The following ASB14 variants were observed in gnomAD, a reference collection of about 807,000 sequenced individuals.
ASB14 encodes the protein ankyrin repeat and SOCS box containing 14.
A neutral mutation model predicts 55.6 loss-of-function variants in ASB14; 63 were observed. The observed-to-expected ratio is 1.13, with a 90% confidence interval of 0.92 to 1.40. ASB14 has a LOEUF of 1.40. Ranked by LOEUF, ASB14 falls within the 40% of genes most tolerant of loss-of-function variation. The probability of loss-of-function intolerance (pLI) is 0.00; values close to 1 mark genes in which losing one functional copy is unlikely to be tolerated. For missense variants in ASB14, 724 were observed against 710.4 expected (o/e 1.02, Z -0.22); for synonymous variants, 256 against 259.9 (o/e 0.98, Z 0.15).
intron 8 of ASB14, 105 bp from the exon 9 acceptor site, chr3:57,278,025 GA>G: frequency 9.5e-7 from 1 of 1,051,886 alleles, no homozygotes; most frequent in Non-Finnish European, 1.4e-6. Flanking sequence ...AGCCAAGAGA[GA>G]AAAATGTCTC....
chr3:57,277,280 A>T (rs968820728), intron 9 of ASB14, among the ~76,000 whole-genome samples: 24 of 148,210 alleles, frequency 1.6e-4, no homozygotes, highest in Non-Finnish European at 3.3e-4. Context: ...AAAAAAAAAA[A>T]TCTGTGTGTT....
intron 6 of ASB14, among the ~76,000 whole-genome samples, chr3:57,281,623 G>A (rs2061041353): frequency 6.6e-6 from 1 of 152,224 alleles, no homozygotes; most frequent in East Asian, 1.9e-4. Flanking sequence ...TGCCCACTAT[G>A]TGCTGGTTCC....
intron 2 of ASB14, among the ~76,000 whole-genome samples, chr3:57,291,269 C>A (rs1377824735): frequency 1.3e-5 from 2 of 152,150 alleles, no homozygotes; most frequent in African/African-American, 4.8e-5. Flanking sequence ...TAGAGATTAC[C>A]ATCCCAAGTA....
intron 10 of ASB14, among the ~76,000 whole-genome samples, chr3:57,274,006 A>G (rs1158210880): frequency 6.6e-6 from 1 of 152,148 alleles, no homozygotes; most frequent in Non-Finnish European, 1.5e-5. Flanking sequence ...ATATTTCTAT[A>G]TTGAAAGATA....
intron 2 of ASB14, among the ~76,000 whole-genome samples, chr3:57,291,177 G>A (rs1033137650): frequency 6.6e-6 from 1 of 152,192 alleles, no homozygotes; most frequent in African/African-American, 2.4e-5. Context: ...ATATAGGTTT[G>A]ATGTACTTCA....
Position 57,277,843 on chromosome 3 carries a change from A to T in ASB14, c.1509T>A (p.Asp503Glu). ...TCAACTTTGAACAGATCCGAACTTG[A>T]TCAACATAATCAAGCATCACTCGAA... is the stretch of plus-strand genomic sequence containing the variant. ...KVVRVMLDYV[D>E]QVRICSKLKA... The change falls in exon 9 of 11, where the codon GAT (aspartate) becomes GAA (glutamate). Residue 503 changes from aspartate to glutamate, a missense_variant. Physicochemically the swap from Asp to Glu is conservative, Grantham distance 45. Coordinates refer to ENST00000487349, the MANE Select transcript of ASB14 (RefSeq NM_001142733.3). 6.2e-7 allele frequency: 1 copy of T among 1,613,966 alleles called. No homozygotes were observed. The highest frequency in any genetic ancestry group is 8.5e-7 in the Non-Finnish European group (1 of 1,179,860).
chr3:57,282,445 T>G (rs996840021), intron 6 of ASB14, among the ~76,000 whole-genome samples: 1 of 152,126 alleles, frequency 6.6e-6, no homozygotes, highest in Non-Finnish European at 1.5e-5. Flanking sequence ...ATCAATGAGC[T>G]CTCCTCGAAG....
chr3:57,280,776 C>A (rs1361749600), intron 6 of ASB14, among the ~76,000 whole-genome samples: 1 of 152,088 alleles, frequency 6.6e-6, no homozygotes, highest in African/African-American at 2.4e-5. Flanking sequence ...GCTTTTATTT[C>A]TAGACCAGCC....
At chr3:57,288,953 G>T (rs1264990096) in intron 3 of ASB14, 115 bp downstream of exon 3, 23 of 736,490 alleles carry the variant, frequency 3.1e-5, no homozygotes, top group Non-Finnish European at 4.1e-5. Flanking sequence ...CCTGACCTCA[G>T]GCGATCCACC....
intron 2 of ASB14, among the ~76,000 whole-genome samples, chr3:57,291,274 C>T (rs2061126139): frequency 6.6e-6 from 1 of 152,160 alleles, no homozygotes; most frequent in Admixed American, 6.5e-5. Context: ...ATTACCATCC[C>T]AAGTAAACTG....
At chr3:57,289,549 T>A (rs2061111671) in intron 2 of ASB14, among the ~76,000 whole-genome samples, 1 of 152,144 alleles carries the variant, frequency 6.6e-6, no homozygotes. Flanking sequence ...GTGTCAGTAT[T>A]AAAAAATATT....
Position 57,269,566 on chromosome 3 carries a change from T to C in ASB14, c.*75A>G. ...GACTTGGAAGAACAAAGTCGGTTGA[T>C]AGCTGCTTCCAGTAGACCAAACCAA... On this transcript the variant is annotated 3_prime_UTR_variant, in exon 11 of 11. Transcript: ENST00000487349. 1 of 1,614,078 alleles carries C rather than the reference T, an allele frequency of 6.2e-7. No homozygotes were observed. Among genetic ancestry groups the C allele is most frequent in the South Asian group, 1.1e-5 (1 of 91,046 alleles).
chr3:57,279,918 G>T (rs951987577), intron 7 of ASB14, among the ~76,000 whole-genome samples: 37 of 152,002 alleles, frequency 2.4e-4, no homozygotes, highest in African/African-American at 8.9e-4. Flanking sequence ...GCGGGGGTTG[G>T]GGGGGAACCG....
At chr3:57,271,348 A>G (rs1424902079) in intron 10 of ASB14, 1 of 152,666 alleles carries the variant, frequency 6.6e-6, no homozygotes, top group African/African-American at 2.4e-5. Context: ...TTACCAAAAC[A>G]TACAGTAAAA....
rs2060916593 is a variant in ASB14, at chr3:57,269,108, A to AT, written c.*532dup. 1 of 159,316 alleles carries AT rather than the reference A, an allele frequency of 6.3e-6. No individual in the cohort carries two copies. The highest frequency in any genetic ancestry group is 1.8e-4 in the East Asian group (1 of 5,466). 9.9% of individuals were successfully genotyped at this position (159,316 alleles called of 1,614,324 possible). ...AGAAGAGGGAAGTGGCAAAGATGACATTGAAGTGAGGCTTTCTTGATAGGC... is the reference window on the plus strand; with the variant it reads ...AGAAGAGGGAAGTGGCAAAGATGACATTTGAAGTGAGGCTTTCTTGATAGGC... On this transcript the variant is annotated 3_prime_UTR_variant, in exon 11 of 11. Transcript: ENST00000487349.
intron 5 of ASB14, among the ~76,000 whole-genome samples, chr3:57,285,030 T>C (rs1212182837): frequency 6.7e-6 from 1 of 148,798 alleles, no homozygotes; most frequent in Non-Finnish European, 1.5e-5. Context: ...ACCTCGTCTC[T>C]CCCTGGTTCA....
At position 57,288,143 on chromosome 3, in the gene ASB14, A is replaced by G; in HGVS notation, c.310+12T>C. ...CTCTCAGAAGCATCAAGAAGAATCA[A>G]AGGGAATTTACCGCTTAGGGTTATT... On this transcript the variant is annotated intron_variant, in intron 4 of 10. Transcript: ENST00000487349. 1 of 1,536,794 alleles carries G rather than the reference A, an allele frequency of 6.5e-7. No individual in the cohort carries two copies. Among genetic ancestry groups the G allele is most frequent in the Non-Finnish European group, 8.7e-7 (1 of 1,146,512 alleles).
rs1181255575 is a variant in ASB14 at position 57,284,088 on chromosome 3, C to CTGTGTGTGTG, written c.470-650_470-649insCACACACACA. On this transcript the variant is annotated intron_variant, in intron 5 of 10. Transcript: ENST00000487349. ...AATAATAATAAAAGGCTTGGGAACA[C>CTGTGTGTGTG]TGTGTATGTGTGTGTGTGTGTGTGT... Among the ~76,000 whole-genome samples the CTGTGTGTGTG allele has an allele frequency of 6.9e-3, 285 of 41,360 alleles. 1 individual carries two copies. The highest frequency in any genetic ancestry group is 0.015 in the African/African-American group (227 of 14,924). 27.1% of individuals were successfully genotyped at this position (41,360 alleles called of 152,430 possible).
intron 7 of ASB14, among the ~76,000 whole-genome samples, chr3:57,279,876 T>C (rs935996320): frequency 3.3e-5 from 5 of 152,158 alleles, no homozygotes; most frequent in African/African-American, 1.2e-4. Context: ...AGAACTGGCC[T>C]TTAATCATCC....
Sources: gnomAD v4.1 joint callset for allele counts (sites outside exome capture counted in the v4.1 genomes callset) on GRCh38, gnomAD v4.1.1 for gene constraint, MANE v1.5 for transcripts, NCBI Gene and HGNC (gene_info 2026-07-23, HGNC 2026-07-21) for gene names.